The following CSMD1 variants were observed in gnomAD, a reference collection of about 807,000 sequenced individuals.
CSMD1 encodes CUB and sushi domain-containing protein 1.
Under a neutral mutation model 417.5 loss-of-function variants are expected in CSMD1, and 213 were observed. The ratio of observed to expected loss-of-function variants is 0.51; its 90% CI spans 0.46 to 0.57. CSMD1 has a LOEUF of 0.57. Among genes scored for constraint, CSMD1 ranks in the 20% least tolerant of loss-of-function variants. CSMD1 has a pLI of 0.00. For synonymous variants in CSMD1, 2,862 were observed against 1,736.8 expected (o/e 1.65, Z -16.11); for missense variants, 6,923 against 4,529.7 (o/e 1.53, Z -15.17).
At chr8:3,466,449 G>A (rs1214073867) in intron 12 of CSMD1, among the ~76,000 whole-genome samples, 1 of 151,674 alleles carries the variant, frequency 6.6e-6, no homozygotes, top group Admixed American at 6.6e-5. Flanking sequence ...TCACTCTGTT[G>A]CCTAGGCTGG....
At chr8:4,567,036 C>A (rs548475505) in intron 2 of CSMD1, among the ~76,000 whole-genome samples, 1 of 152,084 alleles carries the variant, frequency 6.6e-6, no homozygotes, top group African/African-American at 2.4e-5. Context: ...TGGCGTCCTA[C>A]GGAGAAGTAT....
chr8:3,976,252 T>A (rs149670829), intron 5 of CSMD1, among the ~76,000 whole-genome samples: 233 of 152,338 alleles, frequency 1.5e-3, no homozygotes, highest in African/African-American at 5.4e-3. Context: ...AAAAATTATT[T>A]AAAAATGTAA....
intron 3 of CSMD1, among the ~76,000 whole-genome samples, chr8:4,059,176 C>G (rs986537423): frequency 3.3e-5 from 5 of 152,176 alleles, no homozygotes; most frequent in African/African-American, 9.7e-5. Flanking sequence ...ACTGAACAAC[C>G]TGCTGCTGAA....
intron 3 of CSMD1, among the ~76,000 whole-genome samples, chr8:4,296,228 T>A (rs748360942): frequency 2.0e-5 from 3 of 152,108 alleles, no homozygotes; most frequent in Admixed American, 1.3e-4. Flanking sequence ...GCTTAAAACC[T>A]TGATCAGTGA....
chr8:3,287,510 T>A (rs1315452375), intron 25 of CSMD1, among the ~76,000 whole-genome samples: 1 of 152,148 alleles, frequency 6.6e-6, no homozygotes, highest in African/African-American at 2.4e-5. Context: ...CCTGAAGAGG[T>A]CCTTCACATC....
Position 4,077,839 on chromosome 8 carries a change from T to C in CSMD1, c.416-45740A>G, listed in dbSNP as rs143108807. On this transcript the variant is annotated intron_variant, in intron 3 of 69. Transcript: ENST00000635120. ...GGAATTTTCAGATACATAAACCAAATTGAGCCTAAATATGCCTCCTTCCTT... is the reference window on the plus strand; with the variant it reads ...GGAATTTTCAGATACATAAACCAAACTGAGCCTAAATATGCCTCCTTCCTT... 2.9e-3 allele frequency among the ~76,000 whole-genome samples: 439 copies of C among 152,268 alleles called. 2 individuals carry two copies. Among genetic ancestry groups the C allele is most frequent in the Middle Eastern group, 0.017 (5 of 294 alleles).
chr8:3,819,259 C>G (rs1801575688), intron 5 of CSMD1, among the ~76,000 whole-genome samples: 1 of 152,100 alleles, frequency 6.6e-6, no homozygotes, highest in Admixed American at 6.6e-5. Flanking sequence ...TGCTTCATAC[C>G]TTTCAGTTAT....
intron 55 of CSMD1, among the ~76,000 whole-genome samples, chr8:2,975,321 G>A (rs981580128): frequency 6.6e-6 from 1 of 152,216 alleles, no homozygotes; most frequent in African/African-American, 2.4e-5. Flanking sequence ...GGATAGTGAA[G>A]ATTTATTTTT....
intron 46 of CSMD1, among the ~76,000 whole-genome samples, chr8:3,103,436 T>TA (rs1041457698): frequency 3.2e-4 from 48 of 152,152 alleles, no homozygotes; most frequent in African/African-American, 1.2e-3. Flanking sequence ...ACCTGCACAG[T>TA]ATGAGACTGT....
At chr8:4,178,277 T>C (rs925475076) in intron 3 of CSMD1, among the ~76,000 whole-genome samples, 1 of 151,646 alleles carries the variant, frequency 6.6e-6, no homozygotes, top group Non-Finnish European at 1.5e-5. Context: ...TGGTTCAATA[T>C]ACGCAAATCA....
At chr8:4,355,363 C>T (rs544406183) in intron 3 of CSMD1, among the ~76,000 whole-genome samples, 1 of 152,044 alleles carries the variant, frequency 6.6e-6, no homozygotes, top group South Asian at 2.1e-4. Flanking sequence ...TATACACACA[C>T]ACAAAACTCT....
At chr8:3,447,388 G>T (rs1367823279) in intron 12 of CSMD1, among the ~76,000 whole-genome samples, 1 of 152,104 alleles carries the variant, frequency 6.6e-6, no homozygotes, top group Non-Finnish European at 1.5e-5. Flanking sequence ...GAAAAAAAAA[G>T]ATGGCTTAGG....
chr8:3,948,050 A>G (rs897476196), intron 5 of CSMD1, among the ~76,000 whole-genome samples: 1 of 152,162 alleles, frequency 6.6e-6, no homozygotes, highest in Non-Finnish European at 1.5e-5. Flanking sequence ...TACTAAAAAT[A>G]TAAAAATTAT....
intron 2 of CSMD1, among the ~76,000 whole-genome samples, chr8:4,590,914 G>A (rs1799950839): frequency 2.0e-5 from 3 of 152,204 alleles, no homozygotes; most frequent in South Asian, 4.1e-4. Context: ...ATACAACAAT[G>A]CTCTCAGGCC....
chr8:4,442,160 C>A (rs1476726232), intron 2 of CSMD1, among the ~76,000 whole-genome samples: 2 of 152,206 alleles, frequency 1.3e-5, no homozygotes, highest in East Asian at 1.9e-4. Context: ...ATCTGAAACA[C>A]AGCTTCAAAT....
At chr8:4,727,732 C>T (rs1017338684) in intron 1 of CSMD1, among the ~76,000 whole-genome samples, 10 of 151,820 alleles carry the variant, frequency 6.6e-5, no homozygotes, top group African/African-American at 2.4e-4. Context: ...TTCCTCTTTC[C>T]TCTTTTTCTT....
At chr8:3,832,229 G>A (rs1247258698) in intron 5 of CSMD1, among the ~76,000 whole-genome samples, 1 of 152,132 alleles carries the variant, frequency 6.6e-6, no homozygotes, top group Non-Finnish European at 1.5e-5. Flanking sequence ...GTCCAGACCT[G>A]GTACCTGAAG....
intron 3 of CSMD1, among the ~76,000 whole-genome samples, chr8:4,367,014 T>A (rs1173165812): frequency 6.6e-6 from 1 of 152,220 alleles, no homozygotes; most frequent in Non-Finnish European, 1.5e-5. Flanking sequence ...ACTCTGTTGA[T>A]AACTTCTTTT....
chr8:4,179,234 A>G (rs1480489597), intron 3 of CSMD1, among the ~76,000 whole-genome samples: 2 of 152,100 alleles, frequency 1.3e-5, no homozygotes, highest in Non-Finnish European at 1.5e-5. Flanking sequence ...ACAGAGATAT[A>G]AATCAATGGA....
Sources: gnomAD v4.1 joint callset for allele counts (sites outside exome capture counted in the v4.1 genomes callset) on GRCh38, gnomAD v4.1.1 for gene constraint, MANE v1.5 for transcripts, NCBI Gene and HGNC (gene_info 2026-07-23, HGNC 2026-07-21) for gene names.